The following RBFOX1 variants were observed in gnomAD, a reference collection of about 807,000 sequenced individuals.
The protein encoded by RBFOX1 is RNA binding protein fox-1 homolog 1.
A neutral mutation model predicts 57.7 loss-of-function variants in RBFOX1; 8 were observed. The observed-to-expected ratio is 0.14, with a 90% CI of 0.08 to 0.25. The LOEUF (loss-of-function observed/expected upper bound fraction) is 0.25. RBFOX1 is among the 10% of genes least tolerant of loss of function. The pLI is 1.00. For synonymous variants in RBFOX1, 326 were observed against 222.4 expected, an observed-to-expected ratio of 1.47 and a Z score of -4.15; for missense variants, 611 against 548.5, an observed-to-expected ratio of 1.11 and a Z score of -1.14.
intron 4 of RBFOX1, among the ~76,000 whole-genome samples, chr16:7,154,122 G>GT (rs2076626195): frequency 6.6e-6 from 1 of 152,180 alleles, no homozygotes; most frequent in Non-Finnish European, 1.5e-5. Context: ...ACTCAAGATT[G>GT]TTTTTGCACA....
intron 1 of RBFOX1, among the ~76,000 whole-genome samples, chr16:6,134,165 G>C (rs1299517789): frequency 6.6e-6 from 1 of 152,090 alleles, no homozygotes; most frequent in African/African-American, 2.4e-5. Context: ...TCGAACTCCT[G>C]ACCTCAGGTG....
intron 3 of RBFOX1, among the ~76,000 whole-genome samples, chr16:6,729,667 C>T (rs1395416312): frequency 6.6e-6 from 1 of 152,032 alleles, no homozygotes; most frequent in Non-Finnish European, 1.5e-5. Flanking sequence ...GACTTGCAAC[C>T]CTTAATATAT....
At chr16:6,473,737 T>A (rs149036486) in intron 2 of RBFOX1, among the ~76,000 whole-genome samples, 186 of 152,140 alleles carry the variant, frequency 1.2e-3, no homozygotes, top group African/African-American at 4.2e-3. Flanking sequence ...TTATAGTAGA[T>A]AAATAAAGGG....
intron 3 of RBFOX1, among the ~76,000 whole-genome samples, chr16:6,940,247 C>A (rs1169366011): frequency 1.3e-5 from 2 of 152,090 alleles, no homozygotes; most frequent in Non-Finnish European, 2.9e-5. Flanking sequence ...CTCTGGCTAT[C>A]AGAGGGGCTT....
At chr16:6,371,443 T>G (rs1335792316) in intron 2 of RBFOX1, among the ~76,000 whole-genome samples, 1 of 152,206 alleles carries the variant, frequency 6.6e-6, no homozygotes, top group East Asian at 1.9e-4. Context: ...TCGGTTACTT[T>G]CGTTATTTGT....
intron 2 of RBFOX1, among the ~76,000 whole-genome samples, chr16:6,448,776 G>A (rs1176418002): frequency 6.6e-6 from 1 of 152,076 alleles, no homozygotes. Flanking sequence ...GTATTTTTTT[G>A]TGCCTTCAGC....
intron 1 of RBFOX1, among the ~76,000 whole-genome samples, chr16:6,269,692 A>G (rs777345947): frequency 4.6e-5 from 7 of 152,196 alleles, no homozygotes; most frequent in Non-Finnish European, 1.0e-4. Flanking sequence ...AAGAAAAACT[A>G]AAAGAATTGG....
chr16:6,879,755 C>A (rs1464159236), intron 3 of RBFOX1, among the ~76,000 whole-genome samples: 1 of 152,172 alleles, frequency 6.6e-6, no homozygotes, highest in Non-Finnish European at 1.5e-5. Flanking sequence ...AACAGTGTTC[C>A]TGGCTGTTAC....
intron 1 of RBFOX1, among the ~76,000 whole-genome samples, chr16:5,332,693 C>G (rs899446560): frequency 2.0e-5 from 3 of 151,234 alleles, no homozygotes; most frequent in Non-Finnish European, 4.4e-5. Flanking sequence ...ATTTTTCACT[C>G]CCTTATATCA....
intron 3 of RBFOX1, among the ~76,000 whole-genome samples, chr16:7,027,463 T>C (rs1344408572): frequency 6.6e-6 from 1 of 152,046 alleles, no homozygotes; most frequent in African/African-American, 2.4e-5. Context: ...ACAGATTGGG[T>C]AGGTAACTTG....
intron 2 of RBFOX1, among the ~76,000 whole-genome samples, chr16:6,589,742 A>C (rs2097684308): frequency 6.6e-6 from 1 of 152,220 alleles, no homozygotes; most frequent in Non-Finnish European, 1.5e-5. Flanking sequence ...GGCTGTTCTC[A>C]TCTTTGTTTC....
intron 1 of RBFOX1, among the ~76,000 whole-genome samples, chr16:6,059,667 G>A (rs1198015521): frequency 6.6e-6 from 1 of 151,976 alleles, no homozygotes; most frequent in African/African-American, 2.4e-5. Context: ...CTCAGTTTTA[G>A]GTCTTAAGTT....
chr16:7,059,585 C>G (rs963198566), intron 4 of RBFOX1, among the ~76,000 whole-genome samples: 1 of 152,126 alleles, frequency 6.6e-6, no homozygotes, highest in East Asian at 1.9e-4. Flanking sequence ...ATATGAGAAA[C>G]AAGAGATGCT....
intron 2 of RBFOX1, among the ~76,000 whole-genome samples, chr16:6,369,176 AG>A (rs1334155804): frequency 2.0e-4 from 31 of 152,364 alleles, no homozygotes; most frequent in Non-Finnish European, 3.8e-4. Flanking sequence ...ACTTGGGCAT[AG>A]GAAGCAGATA....
chr16:6,145,444 C>T (rs2096750647), intron 1 of RBFOX1, among the ~76,000 whole-genome samples: 1 of 151,992 alleles, frequency 6.6e-6, no homozygotes, highest in African/African-American at 2.4e-5. Context: ...CATTGATGGG[C>T]ATTTAGGTTG....
At chr16:6,898,738 GTA>G (rs1378971972) in intron 3 of RBFOX1, among the ~76,000 whole-genome samples, 4 of 152,026 alleles carry the variant, frequency 2.6e-5, no homozygotes, top group East Asian at 1.9e-4. Flanking sequence ...TGATACATGT[GTA>G]TGTGTCCATA....
intron 15 of RBFOX1, chr16:7,710,086 G>T (rs2083726243): frequency 1.0e-6 from 1 of 1,001,180 alleles, no homozygotes; most frequent in Non-Finnish European, 1.2e-6. Flanking sequence ...TGGAAGCATT[G>T]TTTTGCACAA....
intron 12 of RBFOX1, 106 bp from the exon 13 acceptor site, chr16:7,664,823 G>C: frequency 6.3e-7 from 1 of 1,599,878 alleles, no homozygotes; most frequent in Non-Finnish European, 8.6e-7. Context: ...CGGTTCCTGT[G>C]TTTTGGATCT....
intron 1 of RBFOX1, among the ~76,000 whole-genome samples, chr16:5,392,846 C>T (rs2066451629): frequency 6.6e-6 from 1 of 152,186 alleles, no homozygotes; most frequent in South Asian, 2.1e-4. Context: ...ACACAGACTC[C>T]TGTCTCCTCT....
Sources: allele counts gnomAD v4.1 joint callset (sites outside exome capture counted in the v4.1 genomes callset), GRCh38; gene constraint gnomAD v4.1.1; transcripts MANE v1.5; gene names NCBI Gene and HGNC (gene_info 2026-07-23, HGNC 2026-07-21).